RFTN1: variants seen among roughly 807,000 people sequenced by gnomAD.
The protein encoded by RFTN1 is raftlin, lipid raft linker 1.
RFTN1 carries 26 observed loss-of-function variants against 46.5 expected under a neutral mutation model. The ratio of observed to expected loss-of-function variants is 0.56; its 90% CI spans 0.41 to 0.78. The LOEUF is 0.78. Among genes scored for constraint, RFTN1 ranks in the 30% least tolerant of loss-of-function variants. The pLI is 0.00. For synonymous variants in RFTN1, 261 were observed against 284.2 expected (o/e 0.92, Z 0.82); for missense variants, 693 against 718.7 (o/e 0.96, Z 0.41).
At chr3:16,482,666 G>T in intron 2 of RFTN1, 1 of 1,134,718 alleles carries the variant, frequency 8.8e-7, no homozygotes, top group Non-Finnish European at 1.3e-6. Context: ...TCTCTATAAG[G>T]ATTAATTGAC....
intron 4 of RFTN1, among the ~76,000 whole-genome samples, chr3:16,399,318 A>C (rs2074548556): frequency 6.6e-6 from 1 of 152,162 alleles, no homozygotes; most frequent in Non-Finnish European, 1.5e-5. Context: ...TAAGGCAAAA[A>C]CACACAAGAC....
intron 2 of RFTN1, among the ~76,000 whole-genome samples, chr3:16,490,167 A>T (rs1559372920): frequency 6.6e-6 from 1 of 152,236 alleles, no homozygotes; most frequent in Non-Finnish European, 1.5e-5. Context: ...ACAGAAAGAT[A>T]AACAAGGCTT....
chr3:16,362,313 C>T (rs1268303474), intron 6 of RFTN1, among the ~76,000 whole-genome samples: 1 of 152,210 alleles, frequency 6.6e-6, no homozygotes, highest in African/African-American at 2.4e-5. Flanking sequence ...TTGCCTCTCT[C>T]ATCTGCTTTG....
intron 3 of RFTN1, 38 bp from the exon 4 acceptor site, chr3:16,409,521 T>A: frequency 7.2e-7 from 1 of 1,390,854 alleles, no homozygotes; most frequent in Non-Finnish European, 1.0e-6. Context: ...AACAGATTAA[T>A]ATCTTGCATA....
intron 2 of RFTN1, among the ~76,000 whole-genome samples, chr3:16,464,457 C>G (rs776016450): frequency 6.6e-6 from 1 of 152,188 alleles, no homozygotes; most frequent in Admixed American, 6.5e-5. Context: ...TTTTGTTGTT[C>G]TTCTTGGGAT....
chr3:16,395,827 C>T (rs1354063076), intron 4 of RFTN1, among the ~76,000 whole-genome samples: 2 of 152,146 alleles, frequency 1.3e-5, no homozygotes, highest in African/African-American at 2.4e-5. Flanking sequence ...TTAAGTGACA[C>T]CAGATTTTCA....
chr3:16,436,246 G>T (rs1315671544), intron 2 of RFTN1, among the ~76,000 whole-genome samples: 1 of 150,414 alleles, frequency 6.6e-6, no homozygotes, highest in African/African-American at 2.5e-5. Context: ...TTTTTCTATT[G>T]GTTTGTAAGA....
At chr3:16,393,125 C>CT in intron 4 of RFTN1, among the ~76,000 whole-genome samples, 1 of 152,188 alleles carries the variant, frequency 6.6e-6, no homozygotes, top group African/African-American at 2.4e-5. Context: ...AGTAACGTGT[C>CT]TTAAGAGGTG....
At chr3:16,409,175 C>T (rs1469310741) in intron 4 of RFTN1, among the ~76,000 whole-genome samples, 200 bp downstream of exon 4, 1 of 152,234 alleles carries the variant, frequency 6.6e-6, no homozygotes, top group Non-Finnish European at 1.5e-5. Context: ...TCCTGCATGC[C>T]TGGGGAGGAG....
At position 16,337,684 on chromosome 3, in the gene RFTN1, G is replaced by T. The variant is rs2125275250; in HGVS notation, c.1147-10808C>A. Among the ~76,000 whole-genome samples, 2 of 150,138 alleles carry T rather than the reference G, an allele frequency of 1.3e-5. No homozygotes were observed. Among genetic ancestry groups the T allele is most frequent in the Admixed American group, 1.3e-4 (2 of 15,044 alleles). The stretch of plus-strand genomic sequence containing the variant: ...TTGAACCCAGGAGGCGGAGGTTGCA[G>T]TGAGCCCAGATTGCGCCACTGCACT... On this transcript the variant is annotated intron_variant, in intron 7 of 9. Coordinates refer to ENST00000334133, the MANE Select transcript of RFTN1 (RefSeq NM_015150.2). The surrounding 1 kb of genome is among the most constrained non-coding windows in gnomAD (Gnocchi z 5.0).
chr3:16,368,136 G>A (rs2073314136), intron 6 of RFTN1, among the ~76,000 whole-genome samples: 1 of 151,924 alleles, frequency 6.6e-6, no homozygotes, highest in South Asian at 2.1e-4. Flanking sequence ...CAGGAAACAG[G>A]GAGCCAAAGG....
At chr3:16,469,001 A>T (rs1438884460) in intron 2 of RFTN1, among the ~76,000 whole-genome samples, 2 of 152,232 alleles carry the variant, frequency 1.3e-5, no homozygotes, top group Non-Finnish European at 2.9e-5. Context: ...ACTAAGGTGG[A>T]GTTTCCTTTG....
chr3:16,352,172 A>C lies in RFTN1; in HGVS notation c.1146+5760T>G, dbSNP rs2072146641. On this transcript the variant is annotated intron_variant, in intron 7 of 9. Coordinates refer to ENST00000334133, the MANE Select transcript of RFTN1 (RefSeq NM_015150.2). The surrounding 1 kb of genome is among the most constrained non-coding windows in gnomAD (Gnocchi z 4.6). ...CACCATACCAATTGCATCAGCTGTAAGTGCTTTTTCTACTCTCTTATGTTC... is the reference window on the plus strand; with the variant it reads ...CACCATACCAATTGCATCAGCTGTACGTGCTTTTTCTACTCTCTTATGTTC... Among the ~76,000 whole-genome samples, 2 of 152,216 alleles carry C rather than the reference A, an allele frequency of 1.3e-5. No homozygotes were observed. The highest frequency in any genetic ancestry group is 1.5e-5 in the Non-Finnish European group (1 of 68,030).
At chr3:16,411,453 A>T (rs1385921825) in intron 3 of RFTN1, among the ~76,000 whole-genome samples, 1 of 152,204 alleles carries the variant, frequency 6.6e-6, no homozygotes, top group East Asian at 1.9e-4. Flanking sequence ...TCTTTCCAAC[A>T]TACCCTTCCA....
At chr3:16,438,789 CA>C (rs1353570450) in intron 2 of RFTN1, among the ~76,000 whole-genome samples, 1 of 151,914 alleles carries the variant, frequency 6.6e-6, no homozygotes, top group Admixed American at 6.6e-5. Flanking sequence ...GAACACAAAA[CA>C]ATCACAGGCG....
rs574276715 is a variant in RFTN1 at position 16,512,322 on chromosome 3, G to A, written c.-9+1120C>T. 6.6e-6 allele frequency among the ~76,000 whole-genome samples: 1 copy of A among 152,262 alleles called. No homozygotes were observed. Among genetic ancestry groups the A allele is most frequent in the African/African-American group, 2.4e-5 (1 of 41,542 alleles). On this transcript the variant is annotated intron_variant, in intron 1 of 9. Transcript: ENST00000334133. This position sits in a 1 kb window ranked among gnomAD's most constrained non-coding sequence, Gnocchi z 4.3. ...GTTGGAAGATGCCTAGTCTAGTTGA[G>A]CGCCCAGCTCCTGAAACAGCTGTAC...
rs1177048466 is a variant in RFTN1 at position 16,352,261 on chromosome 3, A to G, written c.1146+5671T>C. On this transcript the variant is annotated intron_variant, in intron 7 of 9. Coordinates refer to ENST00000334133, the MANE Select transcript of RFTN1 (RefSeq NM_015150.2). The surrounding 1 kb of genome is among the most constrained non-coding windows in gnomAD (Gnocchi z 4.6). ...TAGAACATATTCCAGGGAGAGGGAT[A>G]AACATGGAAAAGGCTCTATGGCTCA... Among the ~76,000 whole-genome samples, 2 of 152,230 alleles carry G rather than the reference A, an allele frequency of 1.3e-5. No homozygotes were observed. The highest frequency in any genetic ancestry group is 2.4e-5 in the African/African-American group (1 of 41,464).
chr3:16,421,882 T>G lies in RFTN1; in HGVS notation c.332+11969A>C, dbSNP rs2075193209. Reference sequence around the variant, plus strand: ...TCCACTAATTCACCTTACTGAGATCTCAGCTGAAAGTGCTTCCCTGAACCC... The same window carrying G: ...TCCACTAATTCACCTTACTGAGATCGCAGCTGAAAGTGCTTCCCTGAACCC... On this transcript the variant is annotated intron_variant, in intron 3 of 9. Transcript: ENST00000334133. This position sits in a 1 kb window ranked among gnomAD's most constrained non-coding sequence, Gnocchi z 4.6. 6.6e-6 allele frequency among the ~76,000 whole-genome samples: 1 copy of G among 152,228 alleles called. No homozygotes were observed. Among genetic ancestry groups the G allele is most frequent in the Non-Finnish European group, 1.5e-5 (1 of 68,040 alleles).
rs2076092630 is a variant in RFTN1 at position 16,466,390 on chromosome 3, AT to A, written c.145+27334del. Reference sequence around the variant, plus strand: ...TTGTTATTTACCTATGATAGTAAAAATATTGCAAAAATTACCAAATTACGAA... The same window carrying A: ...TTGTTATTTACCTATGATAGTAAAAAATTGCAAAAATTACCAAATTACGAA... On this transcript the variant is annotated intron_variant, in intron 2 of 9. Transcript: ENST00000334133. The surrounding 1 kb of genome is among the most constrained non-coding windows in gnomAD (Gnocchi z 5.6). Among the ~76,000 whole-genome samples the A allele has an allele frequency of 6.6e-6, 1 of 152,252 alleles. No homozygotes were observed. The highest frequency in any genetic ancestry group is 1.5e-5 in the Non-Finnish European group (1 of 68,040).
Sources: gnomAD v4.1 joint callset for allele counts (sites outside exome capture counted in the v4.1 genomes callset) on GRCh38, gnomAD v4.1.1 for gene constraint, Gnocchi (gnomAD v3.1) non-coding constraint, MANE v1.5 for transcripts, NCBI Gene and HGNC (gene_info 2026-07-23, HGNC 2026-07-21) for gene names.